The following DPP6 variants were observed in gnomAD, a reference collection of about 807,000 sequenced individuals.
DPP6 encodes the protein dipeptidyl peptidase like 6, also known as A-type potassium channel modulatory protein DPP6.
DPP6 carries 69 observed loss-of-function variants against 122.6 expected under a neutral mutation model. The ratio of observed to expected loss-of-function variants is 0.56; its 90% confidence interval spans 0.46 to 0.69. DPP6 has a LOEUF of 0.69. Among genes scored for constraint, DPP6 ranks in the 30% least tolerant of loss-of-function variants. DPP6 has a pLI of 0.00. For synonymous variants in DPP6, 418 were observed against 433.1 expected (o/e 0.97, Z 0.43); for missense variants, 928 against 1,116.9 (o/e 0.83, Z 2.41).
At chr7:154,704,483 A>C (rs771317239) in intron 7 of DPP6, among the ~76,000 whole-genome samples, 2 of 152,200 alleles carry the variant, frequency 1.3e-5, no homozygotes, top group Non-Finnish European at 2.9e-5. Context: ...ATCAAATAGG[A>C]TTGGGTGCTA....
At chr7:153,831,279 G>C in the DPP6 span, among the ~76,000 whole-genome samples, 1 of 152,144 alleles carries the variant, frequency 6.6e-6, no homozygotes, top group African/African-American at 2.4e-5. Flanking sequence ...TATTCTAGAG[G>C]AGGAGCTAAC....
At chr7:154,294,762 T>C (rs1307653354) in intron 1 of DPP6, among the ~76,000 whole-genome samples, 1 of 152,138 alleles carries the variant, frequency 6.6e-6, no homozygotes, top group Non-Finnish European at 1.5e-5. Flanking sequence ...TGGGGATACC[T>C]TTCCCTACAG....
chr7:154,744,705 C>A lies in DPP6; in HGVS notation c.883+16818C>A, dbSNP rs367551681. On this transcript the variant is annotated intron_variant, in intron 8 of 25. Coordinates refer to ENST00000377770, the MANE Select transcript of DPP6 (RefSeq NM_130797.4). ...GCAGGAAAAAGGCAACAGATGCAAGCAGGAATAAATAAGATTTTCTGTATT... is the reference window on the plus strand; with the variant it reads ...GCAGGAAAAAGGCAACAGATGCAAGAAGGAATAAATAAGATTTTCTGTATT... Among the ~76,000 whole-genome samples the A allele has an allele frequency of 2.1e-4, 32 of 152,302 alleles. No individual in the cohort carries two copies. The East Asian group carries it at 3.5e-3, about 17-fold the overall frequency.
chr7:154,691,616 G>A (rs1839935303), intron 7 of DPP6, among the ~76,000 whole-genome samples: 1 of 152,082 alleles, frequency 6.6e-6, no homozygotes, highest in African/African-American at 2.4e-5. Context: ...TCAGGAGATC[G>A]AGACTATCCT....
chr7:154,431,731 C>T (rs909245551), intron 1 of DPP6, among the ~76,000 whole-genome samples: 1 of 151,940 alleles, frequency 6.6e-6, no homozygotes, highest in Non-Finnish European at 1.5e-5. Flanking sequence ...GACAGGGTTT[C>T]TCCATGTTGG....
intron 16 of DPP6, among the ~76,000 whole-genome samples, chr7:154,832,640 G>A (rs1800721972): frequency 1.3e-5 from 2 of 152,184 alleles, no homozygotes; most frequent in African/African-American, 4.8e-5. Flanking sequence ...ACACCCCAGG[G>A]CCTGTGAACA....
At chr7:154,513,487 T>TA (rs1563786701) in intron 3 of DPP6, among the ~76,000 whole-genome samples, 1 of 152,180 alleles carries the variant, frequency 6.6e-6, no homozygotes, top group Non-Finnish European at 1.5e-5. Flanking sequence ...AGATTTTGGA[T>TA]AAGTGGATAA....
chr7:154,333,681 G>C (rs1809151706), intron 1 of DPP6, among the ~76,000 whole-genome samples: 2 of 152,116 alleles, frequency 1.3e-5, no homozygotes, highest in African/African-American at 4.8e-5. Flanking sequence ...AGACTGTTTT[G>C]AATCATTGTG....
chr7:154,674,106 C>A (rs1165275265), intron 7 of DPP6, among the ~76,000 whole-genome samples: 7 of 152,132 alleles, frequency 4.6e-5, no homozygotes, highest in African/African-American at 7.2e-5. Context: ...GAACCCCTGA[C>A]CTCAAGTGAT....
the DPP6 span, among the ~76,000 whole-genome samples, chr7:153,821,716 G>GC: frequency 1.6e-5 from 2 of 127,216 alleles, no homozygotes; most frequent in Admixed American, 1.7e-4. Flanking sequence ...TTTTTCACTT[G>GC]CCGAGTGATG....
rs545784978 is a variant in DPP6, at chr7:154,655,467, C to G, written c.681-13893C>G. Among the ~76,000 whole-genome samples the G allele has an allele frequency of 5.3e-5, 8 of 152,100 alleles. No homozygotes were observed. The East Asian group carries it at 1.4e-3, about 26-fold the overall frequency. On this transcript the variant is annotated intron_variant, in intron 6 of 25. Transcript: ENST00000377770. ...ATCCATCTCTACCCAGGAGATGATT[C>G]ATCACACAGCTGCCAGGGCTGCTTT... is the stretch of plus-strand genomic sequence containing the variant.
intron 1 of DPP6, among the ~76,000 whole-genome samples, chr7:154,280,983 T>TTTA (rs1804465132): frequency 4.2e-5 from 6 of 142,992 alleles, no homozygotes; most frequent in African/African-American, 2.7e-5. Flanking sequence ...TTATTTCTTA[T>TTTA]TTTATTTATT....
chr7:153,952,056 A>G (rs1802243004), intron 1 of DPP6, among the ~76,000 whole-genome samples: 2 of 152,218 alleles, frequency 1.3e-5, no homozygotes, highest in Non-Finnish European at 2.9e-5. Flanking sequence ...AAAGAAAGAA[A>G]GAAAGAAAAA....
At chr7:154,327,172 G>C (rs141428009) in intron 1 of DPP6, among the ~76,000 whole-genome samples, 1 of 152,112 alleles carries the variant, frequency 6.6e-6, no homozygotes, top group Non-Finnish European at 1.5e-5. Flanking sequence ...AGGCAAAGTG[G>C]AGAATGAAGA....
At chr7:154,685,923 C>G (rs572389500) in intron 7 of DPP6, among the ~76,000 whole-genome samples, 1 of 152,046 alleles carries the variant, frequency 6.6e-6, no homozygotes, top group African/African-American at 2.4e-5. Context: ...GTGTGATTTT[C>G]CCCCCATCAA....
the DPP6 span, among the ~76,000 whole-genome samples, chr7:153,811,997 C>T: frequency 6.6e-6 from 1 of 152,178 alleles, no homozygotes; most frequent in African/African-American, 2.4e-5. Flanking sequence ...CAGGATGCTG[C>T]TTTGGTGGTG....
chr7:154,687,644 C>T (rs1586891486), intron 7 of DPP6, among the ~76,000 whole-genome samples: 1 of 152,146 alleles, frequency 6.6e-6, no homozygotes, highest in East Asian at 1.9e-4. Context: ...CATTTTACAG[C>T]CTGTCTTTTC....
chr7:154,484,546 T>C (rs12671881), intron 3 of DPP6, among the ~76,000 whole-genome samples: 59,751 of 152,068 alleles, frequency 0.39, 12,030 homozygotes, highest in African/African-American at 0.46. Flanking sequence ...AGCTGCTCGC[T>C]GGGCCTGATT....
intron 8 of DPP6, among the ~76,000 whole-genome samples, chr7:154,728,548 A>G (rs534889337): frequency 6.6e-6 from 1 of 152,234 alleles, no homozygotes; most frequent in Non-Finnish European, 1.5e-5. Context: ...ATTGATTGCT[A>G]TTAGCTGTCA....
Sources: gnomAD v4.1 joint callset for allele counts (sites outside exome capture counted in the v4.1 genomes callset) on GRCh38, gnomAD v4.1.1 for gene constraint, MANE v1.5 for transcripts, NCBI Gene and HGNC (gene_info 2026-07-23, HGNC 2026-07-21) for gene names.